The following TMC7 variants were observed in gnomAD, a reference collection of about 807,000 sequenced individuals.
TMC7 encodes transmembrane channel-like protein 7.
In TMC7, 54 loss-of-function variants were observed where a neutral mutation model predicts 82.9. The ratio of observed to expected loss-of-function variants is 0.65; its 90% CI spans 0.52 to 0.82. The LOEUF (loss-of-function observed/expected upper bound fraction) is 0.82. TMC7 is among the 40% of genes least tolerant of loss of function. TMC7 has a pLI of 0.00. For synonymous variants in TMC7, 350 were observed against 337.9 expected (o/e 1.04, Z -0.39); for missense variants, 820 against 901.2 (o/e 0.91, Z 1.15).
chr16:19,002,315 C>T (rs2039155622), intron 1 of TMC7, among the ~76,000 whole-genome samples: 1 of 150,420 alleles, frequency 6.6e-6, no homozygotes, highest in South Asian at 2.1e-4. Flanking sequence ...CGGCTCACTG[C>T]AACCCCCGCC....
intron 1 of TMC7, among the ~76,000 whole-genome samples, chr16:18,989,092 A>G (rs1312675678): frequency 2.0e-5 from 3 of 151,798 alleles, no homozygotes; most frequent in Non-Finnish European, 4.4e-5. Flanking sequence ...TTGAACAACT[A>G]TTCTTTGGAC....
chr16:19,026,027 C>T (rs539490548), intron 5 of TMC7, among the ~76,000 whole-genome samples: 28 of 152,046 alleles, frequency 1.8e-4, no homozygotes, highest in African/African-American at 6.0e-4. Flanking sequence ...CCACCTGTCT[C>T]GGCTTCCCAA....
rs151327014 is a variant in TMC7, at chr16:19,002,392, C to T, written c.68-6780C>T. Among the ~76,000 whole-genome samples, 198 of 152,150 alleles carry T rather than the reference C, an allele frequency of 1.3e-3. 1 individual carries two copies. Among genetic ancestry groups the T allele is most frequent in the African/African-American group, 4.3e-3 (180 of 41,518 alleles). On this transcript the variant is annotated intron_variant, in intron 1 of 15. Transcript: ENST00000304381. ...GTGGGATTACAGGCATGCATCACCACGCCCGGCTAATTTTGTATTTTTTTA... is the reference window on the plus strand; with the variant it reads ...GTGGGATTACAGGCATGCATCACCATGCCCGGCTAATTTTGTATTTTTTTA...
chr16:19,040,431 G>A lies in TMC7; in HGVS notation c.1322G>A (p.Arg441His), dbSNP rs1355238435. The change falls in exon 9 of 16, where the codon CGT becomes CAT. Residue 441 changes from arginine (R) to histidine (H), a missense_variant. Transcript: ENST00000304381. ...GATTATTCTCCAGGCTTTGAGATCC[G>A]TCTGACAATCCTTAGGTAATGCCTA... is the stretch of plus-strand genomic sequence containing the variant. The part of the protein sequence containing the change: ...YEDYSPGFEI[R>H]LTILRCVFMR... 2.0e-5 allele frequency: 33 copies of A among 1,611,584 alleles called. No individual in the cohort carries two copies. Among genetic ancestry groups the A allele is most frequent in the Admixed American group, 3.3e-5 (2 of 59,850 alleles).
At chr16:19,059,296 T>G (rs970794894) in intron 14 of TMC7, 120 bp from the exon 15 acceptor site, 4 of 1,505,526 alleles carry the variant, frequency 2.7e-6, no homozygotes, top group Non-Finnish European at 3.5e-6. Context: ...TGAGCCATCA[T>G]GCCCAGCCTT....
intron 6 of TMC7, among the ~76,000 whole-genome samples, 156 bp downstream of exon 6, chr16:19,030,525 C>T (rs1425958555): frequency 6.6e-6 from 1 of 151,304 alleles, no homozygotes; most frequent in Non-Finnish European, 1.5e-5. Flanking sequence ...GCTGAAGAGA[C>T]CTGGGAGAAA....
chr16:19,059,035 G>A lies in TMC7; in HGVS notation c.2028-381G>A, dbSNP rs548808220. On this transcript the variant is annotated intron_variant, in intron 14 of 15. Coordinates refer to ENST00000304381, the MANE Select transcript of TMC7 (RefSeq NM_024847.4). ...TGGGATTATAGGCGTCCACCACCAC[G>A]CCCAGCTAACTTTTGTATTTTTAGT... is the stretch of plus-strand genomic sequence containing the variant. 1.2e-4 allele frequency among the ~76,000 whole-genome samples: 18 copies of A among 152,182 alleles called. 1 individual carries two copies. The highest frequency in any genetic ancestry group is 7.2e-4 in the Admixed American group (11 of 15,268).
intron 1 of TMC7, among the ~76,000 whole-genome samples, chr16:18,993,648 C>T (rs1293583379): frequency 6.6e-6 from 1 of 152,156 alleles, no homozygotes; most frequent in Admixed American, 6.6e-5. Flanking sequence ...CTCCAGCTTC[C>T]TTTGGAAGTA....
intron 1 of TMC7, among the ~76,000 whole-genome samples, chr16:18,986,361 C>T (rs1185275407): frequency 6.8e-6 from 1 of 146,330 alleles, no homozygotes; most frequent in Non-Finnish European, 1.5e-5. Flanking sequence ...TGCCACTGCA[C>T]TCCAGCCTGG....
At chr16:18,993,141 G>A (rs1596715506) in intron 1 of TMC7, among the ~76,000 whole-genome samples, 1 of 152,288 alleles carries the variant, frequency 6.6e-6, no homozygotes, top group South Asian at 2.1e-4. Context: ...GATAGCTGGG[G>A]AGAGGTAGAG....
At chr16:19,013,447 C>T (rs904427833) in intron 2 of TMC7, among the ~76,000 whole-genome samples, 5 of 152,096 alleles carry the variant, frequency 3.3e-5, no homozygotes, top group Non-Finnish European at 7.4e-5. Context: ...AAACTCCCGA[C>T]CTCAGGTGAT....
chr16:19,009,376 G>T lies in TMC7; in HGVS notation c.272G>T (p.Arg91Leu), dbSNP rs139490833. Residue 91 changes from arginine (R) to leucine (L), a missense_variant, in exon 2 of 16, where the codon CGA (arginine) becomes CTA (leucine). Around this residue, in one of 2 missense-constraint regions of TMC7, gnomAD observed 650 missense variants for 669.9 expected, o/e 0.97. Transcript: ENST00000304381. ...IAENLSSHSL[R>L]NYALNISEKR... ...GAAAACCTCAGCAGCCATTCTCTTCGAAATTATGCACTGAACATCTCTGAG... is the reference window on the plus strand; with the variant it reads ...GAAAACCTCAGCAGCCATTCTCTTCTAAATTATGCACTGAACATCTCTGAG... 1 of 1,614,112 alleles carries T rather than the reference G, an allele frequency of 6.2e-7. No homozygotes were observed. Among genetic ancestry groups the T allele is most frequent in the Non-Finnish European group, 8.5e-7 (1 of 1,180,042 alleles).
chr16:19,045,352 C>T lies in TMC7; in HGVS notation c.1467C>T (p.Thr489=). The T allele has an allele frequency of 6.2e-7, 1 of 1,613,858 alleles. No homozygotes were observed. The highest frequency in any genetic ancestry group is 1.7e-5 in the Admixed American group (1 of 59,960). ...CTCTTTGATTTCAGTGCTGGGAGACCCAAGTTGGGCAGGAAATGTACAAGC... is the reference window on the plus strand; with the variant it reads ...CTCTTTGATTTCAGTGCTGGGAGACTCAAGTTGGGCAGGAAATGTACAAGC... The part of the protein sequence containing the change: ...YNQKLYPCWE[T]QVGQEMYKLM... Residue 489 remains threonine, a synonymous_variant, in exon 11 of 16, where the codon ACC becomes ACT. Transcript: ENST00000304381.
intron 4 of TMC7, among the ~76,000 whole-genome samples, chr16:19,022,700 G>A (rs1960035241): frequency 6.6e-6 from 1 of 151,582 alleles, no homozygotes. Flanking sequence ...AGCCATGCAT[G>A]ACTGTACATG....
intron 1 of TMC7, among the ~76,000 whole-genome samples, chr16:18,997,855 G>C (rs890457232): frequency 6.7e-6 from 1 of 149,568 alleles, no homozygotes; most frequent in Non-Finnish European, 1.5e-5. Flanking sequence ...TCAGCATCCC[G>C]AGTAGCTGGG....
intron 1 of TMC7, among the ~76,000 whole-genome samples, chr16:18,996,665 A>G (rs962879988): frequency 3.3e-5 from 5 of 152,208 alleles, no homozygotes; most frequent in Non-Finnish European, 7.3e-5. Context: ...GGTTGCCCAT[A>G]GTGAAGGACG....
At chr16:18,990,525 C>G (rs567796048) in intron 1 of TMC7, among the ~76,000 whole-genome samples, 3 of 152,192 alleles carry the variant, frequency 2.0e-5, no homozygotes, top group Admixed American at 6.5e-5. Flanking sequence ...GAACTCCTGT[C>G]TCACGTGTCC....
At chr16:19,016,624 G>A in intron 3 of TMC7, 26 bp downstream of exon 3, 6 of 1,608,410 alleles carry the variant, frequency 3.7e-6, no homozygotes, top group Non-Finnish European at 5.1e-6. Context: ...CTCTCTGCAG[G>A]CTCCTCCGCA....
chr16:18,985,275 C>T (rs915176033), intron 1 of TMC7, among the ~76,000 whole-genome samples: 5 of 150,418 alleles, frequency 3.3e-5, no homozygotes, highest in Non-Finnish European at 7.4e-5. Flanking sequence ...AAAAAGAAAC[C>T]AAGGATATAG....
Sources: allele counts gnomAD v4.1 joint callset (sites outside exome capture counted in the v4.1 genomes callset), GRCh38; gene constraint gnomAD v4.1.1; regional missense constraint gnomAD v4.1.1; transcripts MANE v1.5; gene names NCBI Gene and HGNC (gene_info 2026-07-23, HGNC 2026-07-21).